Variants in VOPP1 observed in about 807,000 individuals in gnomAD.
VOPP1 encodes the protein WW domain binding protein VOPP1.
In VOPP1, 8 loss-of-function variants were observed where a neutral mutation model predicts 23.5. The ratio of observed to expected loss-of-function variants is 0.34; its 90% CI spans 0.20 to 0.61. VOPP1 has a LOEUF of 0.61. Among genes scored for constraint, VOPP1 ranks in the 20% least tolerant of loss-of-function variants. VOPP1 has a pLI of 0.78. For missense variants in VOPP1, 174 were observed against 238.1 expected (o/e 0.73, Z 1.77); for synonymous variants, 83 against 97.3 (o/e 0.85, Z 0.86).
intron 1 of VOPP1, among the ~76,000 whole-genome samples, chr7:55,550,479 A>G (rs528088839): frequency 6.6e-6 from 1 of 152,266 alleles, no homozygotes; most frequent in South Asian, 2.1e-4. Context: ...TGCAGTCTGG[A>G]AATATATATC....
At chr7:55,546,858 T>C (rs140547705) in intron 1 of VOPP1, among the ~76,000 whole-genome samples, 1,677 of 152,294 alleles carry the variant, frequency 0.011, 11 homozygotes, top group Middle Eastern at 0.02. Flanking sequence ...GGCTAAGCCA[T>C]GGGATCAGGT....
At chr7:55,531,256 T>C (rs1182304733) in intron 1 of VOPP1, among the ~76,000 whole-genome samples, 1 of 152,044 alleles carries the variant, frequency 6.6e-6, no homozygotes, top group African/African-American at 2.4e-5. Flanking sequence ...TGGCAATAAA[T>C]GAATATGATA....
intron 3 of VOPP1, among the ~76,000 whole-genome samples, chr7:55,496,261 C>T (rs1337660087): frequency 2.0e-5 from 3 of 152,212 alleles, no homozygotes; most frequent in East Asian, 1.9e-4. Flanking sequence ...GGGTTTCACA[C>T]TCCAGACGGT....
At position 55,518,640 on chromosome 7, in the gene VOPP1, G is replaced by A. The variant is rs77521262; in HGVS notation, c.113+2432C>T. On this transcript the variant is annotated intron_variant, in intron 2 of 4. Coordinates refer to ENST00000285279, the MANE Select transcript of VOPP1 (RefSeq NM_030796.5). ...GTTGGCGCTGCTGACTGCATGGTGGGAACTGCAAGGAAATGCATCCACTCA... is the reference window on the plus strand; with the variant it reads ...GTTGGCGCTGCTGACTGCATGGTGGAAACTGCAAGGAAATGCATCCACTCA... Among the ~76,000 whole-genome samples, 978 of 152,338 alleles carry A rather than the reference G, an allele frequency of 6.4e-3. 6 individuals are homozygous for A. The highest frequency in any genetic ancestry group is 0.013 in the Admixed American group (197 of 15,304).
intron 2 of VOPP1, among the ~76,000 whole-genome samples, chr7:55,502,971 C>T (rs919233436): frequency 6.6e-6 from 1 of 152,162 alleles, no homozygotes; most frequent in African/African-American, 2.4e-5. Context: ...TAATTATAGT[C>T]CTGAGACTCT....
intron 1 of VOPP1, among the ~76,000 whole-genome samples, chr7:55,542,404 T>C (rs1368256966): frequency 1.3e-5 from 2 of 152,200 alleles, no homozygotes; most frequent in East Asian, 3.8e-4. Context: ...CTCCTCTCCA[T>C]CCCCGTCTCC....
intron 1 of VOPP1, among the ~76,000 whole-genome samples, chr7:55,551,135 A>C (rs1260808648): frequency 6.6e-6 from 1 of 152,202 alleles, no homozygotes; most frequent in East Asian, 1.9e-4. Flanking sequence ...ACCATCCCGC[A>C]GACATAACTT....
At chr7:55,548,527 G>A (rs991243142) in intron 1 of VOPP1, among the ~76,000 whole-genome samples, 20 of 152,222 alleles carry the variant, frequency 1.3e-4, no homozygotes, top group African/African-American at 4.8e-4. Flanking sequence ...TTCCATGAGA[G>A]GCAAAGCTAC....
chr7:55,456,203 A>C (rs1403929946), intron 4 of VOPP1, among the ~76,000 whole-genome samples: 1 of 152,252 alleles, frequency 6.6e-6, no homozygotes, highest in Non-Finnish European at 1.5e-5. Context: ...AAAAAAGCTC[A>C]TCATCACTGG....
intron 2 of VOPP1, among the ~76,000 whole-genome samples, chr7:55,507,875 C>A (rs1424307488): frequency 6.6e-6 from 1 of 152,152 alleles, no homozygotes; most frequent in East Asian, 1.9e-4. Flanking sequence ...AAGGAGGGGG[C>A]CATCACTGCT....
intron 4 of VOPP1, among the ~76,000 whole-genome samples, chr7:55,489,391 T>C (rs1793392829): frequency 6.6e-6 from 1 of 152,180 alleles, no homozygotes; most frequent in African/African-American, 2.4e-5. Flanking sequence ...GCTGGGGGCT[T>C]ACTTATTCTT....
chr7:55,515,718 G>C (rs528444327), intron 2 of VOPP1, among the ~76,000 whole-genome samples: 1 of 152,308 alleles, frequency 6.6e-6, no homozygotes, highest in South Asian at 2.1e-4. Flanking sequence ...AGCAGGCACA[G>C]CCTCTGTGAC....
At chr7:55,529,895 T>C (rs1796402314) in intron 1 of VOPP1, among the ~76,000 whole-genome samples, 1 of 152,240 alleles carries the variant, frequency 6.6e-6, no homozygotes, top group Non-Finnish European at 1.5e-5. Flanking sequence ...AATTCATTCC[T>C]TTCTAGTGTT....
At chr7:55,567,168 C>A (rs1798189569) in intron 1 of VOPP1, among the ~76,000 whole-genome samples, 1 of 152,206 alleles carries the variant, frequency 6.6e-6, no homozygotes, top group Non-Finnish European at 1.5e-5. Flanking sequence ...AGGGCTCTTA[C>A]CACTGACGGC....
In VOPP1 at chr7:55,440,085, A is replaced by C. The variant is rs1373268610; in HGVS notation, n.418-3911T>G. On this transcript the variant is annotated intron_variant and non_coding_transcript_variant, in intron 4 of 4. Transcript: ENST00000462326. ...GGCTCCCGTGGTCACCGCTGGTGAG[A>C]GCGGGTGGCAGGTTTGTGCGTTCCT... Among the ~76,000 whole-genome samples the C allele has an allele frequency of 3.0e-4, 45 of 152,166 alleles. 1 individual carries two copies. The highest frequency in any genetic ancestry group is 2.9e-5 in the Non-Finnish European group (2 of 68,026).
rs1461694681 is a variant in VOPP1, at chr7:55,481,696, C to T, written c.329-8651G>A. Among the ~76,000 whole-genome samples the T allele has an allele frequency of 4.6e-5, 7 of 152,168 alleles. No homozygotes were observed. The East Asian group carries it at 9.6e-4, about 21-fold the overall frequency. Reference sequence around the variant, plus strand: ...ACAGACATCTACAAACTGCAGGTGTCCTACTGGGAGTAGTAACTACTGCCC... The same window carrying T: ...ACAGACATCTACAAACTGCAGGTGTTCTACTGGGAGTAGTAACTACTGCCC... On this transcript the variant is annotated intron_variant, in intron 4 of 4. Coordinates refer to ENST00000285279, the MANE Select transcript of VOPP1 (RefSeq NM_030796.5).
At chr7:55,539,926 C>CACAT (rs1797042765) in intron 1 of VOPP1, among the ~76,000 whole-genome samples, 2 of 151,474 alleles carry the variant, frequency 1.3e-5, no homozygotes, top group Admixed American at 1.3e-4. Flanking sequence ...CACACACACA[C>CACAT]ACACACACAC....
At chr7:55,517,004 G>A (rs1366726755) in intron 2 of VOPP1, among the ~76,000 whole-genome samples, 2 of 128,644 alleles carry the variant, frequency 1.6e-5, no homozygotes, top group Non-Finnish European at 1.5e-5. Flanking sequence ...GGAGTACAGT[G>A]GTGTGGCTCA....
At chr7:55,476,775 C>A in intron 4 of VOPP1, among the ~76,000 whole-genome samples, 1 of 152,198 alleles carries the variant, frequency 6.6e-6, no homozygotes, top group East Asian at 1.9e-4. Flanking sequence ...GCACCAGGGG[C>A]AGAGCTCGTT....
Sources: allele counts gnomAD v4.1 joint callset (sites outside exome capture counted in the v4.1 genomes callset), GRCh38; gene constraint gnomAD v4.1.1; transcripts MANE v1.5; gene names NCBI Gene and HGNC (gene_info 2026-07-23, HGNC 2026-07-21).